Variants in UEVLD observed in about 807,000 individuals in gnomAD.
The protein encoded by UEVLD is ubiquitin-conjugating enzyme E2 variant 3.
A neutral mutation model predicts 58.6 loss-of-function variants in UEVLD; 47 were observed. The ratio of observed to expected loss-of-function variants is 0.80; its 90% CI spans 0.63 to 1.02. The LOEUF is 1.02. Among genes scored for constraint, UEVLD ranks in the 50% least tolerant of loss-of-function variants. UEVLD has a pLI of 0.00. For synonymous variants in UEVLD, 197 were observed against 195.3 expected, an observed-to-expected ratio of 1.01 and a Z score of -0.07; for missense variants, 510 against 550.6, an observed-to-expected ratio of 0.93 and a Z score of 0.74.
chr11:18,542,630 C>T (rs1270504704), intron 9 of UEVLD, among the ~76,000 whole-genome samples: 1 of 151,924 alleles, frequency 6.6e-6, no homozygotes, highest in Non-Finnish European at 1.5e-5. Flanking sequence ...ATAAATACTA[C>T]ATATTTTTAC....
chr11:18,536,341 A>AT, intron 10 of UEVLD, 65 bp downstream of exon 10: 1 of 1,456,966 alleles, frequency 6.9e-7, no homozygotes, highest in Non-Finnish European at 9.6e-7. Flanking sequence ...TACTGTATAA[A>AT]TAGCTGTTAG....
At chr11:18,542,203 C>G (rs1851084062) in intron 9 of UEVLD, among the ~76,000 whole-genome samples, 1 of 152,084 alleles carries the variant, frequency 6.6e-6, no homozygotes, top group Non-Finnish European at 1.5e-5. Flanking sequence ...ATTTTCACAT[C>G]ATTTACCGGG....
intron 1 of UEVLD, 142 bp downstream of exon 1, chr11:18,588,471 C>T (rs1020237231): frequency 3.7e-5 from 36 of 975,138 alleles, no homozygotes; most frequent in Non-Finnish European, 4.6e-5. Flanking sequence ...GGCCGCGCCC[C>T]ATAGCCGGTT....
intron 8 of UEVLD, among the ~76,000 whole-genome samples, chr11:18,545,062 ATCTATATC>A (rs1851240034): frequency 3.4e-5 from 1 of 29,644 alleles, no homozygotes; most frequent in African/African-American, 9.9e-5. Flanking sequence ...CTATATCTAT[ATCTATATC>A]TATATTTTTT....
intron 5 of UEVLD, 152 bp downstream of exon 5, chr11:18,566,195 G>T: frequency 8.9e-7 from 1 of 1,120,304 alleles, no homozygotes; most frequent in Non-Finnish European, 1.3e-6. Flanking sequence ...CACTGCGCCT[G>T]GCCTGAGGCA....
At position 18,566,385 on chromosome 11, in the gene UEVLD, T is replaced by C; in HGVS notation, c.455A>G (p.Gln152Arg). The C allele has an allele frequency of 6.2e-7, 1 of 1,614,160 alleles. No individual in the cohort carries two copies. Among genetic ancestry groups the C allele is most frequent in the Non-Finnish European group, 8.5e-7 (1 of 1,180,032 alleles). The change falls in exon 5 of 12, where the codon CAG becomes CGG. Residue 152 changes from glutamine (Q) to arginine (R), a missense_variant. By Grantham distance (43) the Gln-to-Arg change is conservative (BLOSUM62 1). Coordinates refer to ENST00000396197, the MANE Select transcript of UEVLD (RefSeq NM_001040697.4). ...YSLSSSDEAR[Q>R]VDLLAYIAKI... ...TGCAATATAGGCTAGCAAGTCTACC[T>C]GCCGTGCCTCATCAGATGATGATAG...
chr11:18,554,863 G>A (rs992181724), intron 7 of UEVLD, among the ~76,000 whole-genome samples: 1 of 152,180 alleles, frequency 6.6e-6, no homozygotes, highest in Admixed American at 6.5e-5. Flanking sequence ...TCAGTCAGCT[G>A]CAGTCATCTA....
rs985331603 is a variant in UEVLD at position 18,566,439 on chromosome 11, T to C, written c.401A>G (p.Lys134Arg). The C allele has an allele frequency of 1.9e-6, 3 of 1,614,102 alleles. No homozygotes were observed. The highest frequency in any genetic ancestry group is 1.1e-5 in the South Asian group (1 of 91,080). Residue 134 changes from lysine to arginine, a missense_variant, in exon 5 of 12, where the codon AAG becomes AGG. Transcript: ENST00000396197. Reference protein sequence around the residue: ...IVGLIKEMIAKFQEELPMYSL... With the variant: ...IVGLIKEMIARFQEELPMYSL... ...ATACATGGGAAGTTCCTCTTGAAAC[T>C]TGGCAATCATTTCTTTAATTAATCC...
chr11:18,570,075 T>C, intron 4 of UEVLD, 139 bp downstream of exon 4: 1 of 994,424 alleles, frequency 1.0e-6, no homozygotes, highest in Non-Finnish European at 1.4e-6. Flanking sequence ...AGAGCTCAAT[T>C]TCAAATTACT....
chr11:18,577,421 G>T (rs1393037519), intron 2 of UEVLD, among the ~76,000 whole-genome samples: 1 of 152,094 alleles, frequency 6.6e-6, no homozygotes, highest in East Asian at 1.9e-4. Flanking sequence ...ATCTCTGAAA[G>T]TTCAACTTTC....
intron 11 of UEVLD, 121 bp from the exon 12 acceptor site, chr11:18,532,608 T>C: frequency 2.5e-6 from 2 of 787,314 alleles, no homozygotes; most frequent in Non-Finnish European, 3.6e-6. Context: ...CTTAAAAAAA[T>C]TTTTTTGTTC....
chr11:18,536,065 C>T (rs187788224), intron 10 of UEVLD, among the ~76,000 whole-genome samples: 3 of 152,244 alleles, frequency 2.0e-5, no homozygotes, highest in Admixed American at 6.5e-5. Flanking sequence ...ACCCGGGAGG[C>T]GGAGGCTGCA....
At chr11:18,542,890 C>CTTTTTTTTTTTTTTTTTTTTTTT (rs890676886) in intron 9 of UEVLD, among the ~76,000 whole-genome samples, 1 of 125,902 alleles carries the variant, frequency 7.9e-6, no homozygotes, top group Admixed American at 8.9e-5. Flanking sequence ...CTTTTCTTTT[C>CTTTTTTTTTTTTTTTTTTTTTTT]TTTTTTTTTT....
rs1171743791 is a variant in UEVLD, at chr11:18,531,724, TA to T, written c.*595del. The stretch of plus-strand genomic sequence containing the variant: ...GAAATTAAAGTAAACTTTTAATGCA[TA>T]TATTTTAAAAATTCACTTTCCATTT... On this transcript the variant is annotated 3_prime_UTR_variant, in exon 12 of 12. Transcript: ENST00000396197. 2 of 152,342 alleles carry T rather than the reference TA, an allele frequency of 1.3e-5. No individual in the cohort carries two copies. The highest frequency in any genetic ancestry group is 4.1e-4 in the South Asian group (2 of 4,832). The allele number at this position is 152,342 out of a possible 1,614,324, so 9.4% of individuals were successfully genotyped here. A position where few individuals can be genotyped will look rare whatever the true frequency, so the allele number is the denominator to read the frequency against.
At position 18,588,726 on chromosome 11, in the gene UEVLD, G is replaced by A. The variant is rs963838910; in HGVS notation, c.-72C>T. 1.3e-6 allele frequency: 2 copies of A among 1,547,694 alleles called. No homozygotes were observed. Among genetic ancestry groups the A allele is most frequent in the Non-Finnish European group, 8.7e-7 (1 of 1,149,886 alleles). On this transcript the variant is annotated 5_prime_UTR_variant, in exon 1 of 12. Transcript: ENST00000396197. The stretch of plus-strand genomic sequence containing the variant: ...CTTCTTCCGGACTTGCTGCAGGACG[G>A]AAGCCGCTGAGGACCAAACTTCCCG...
chr11:18,559,675 C>CTT (rs566138965), intron 6 of UEVLD, among the ~76,000 whole-genome samples: 105 of 152,218 alleles, frequency 6.9e-4, no homozygotes, highest in African/African-American at 2.5e-3. Flanking sequence ...ATAATGCCAG[C>CTT]TTTTTCTTAA....
chr11:18,561,831 C>CA (rs567518058), intron 6 of UEVLD, among the ~76,000 whole-genome samples: 7,249 of 71,144 alleles, frequency 0.1, 476 homozygotes, highest in African/African-American at 0.25. Flanking sequence ...GACTTCGTCT[C>CA]AAAAAAAAAA....
chr11:18,532,565 T>C lies in UEVLD; in HGVS notation c.1249-78A>G. The C allele has an allele frequency of 9.0e-6, 11 of 1,225,266 alleles. No homozygotes were observed. In the South Asian group the frequency reaches 2.0e-4, roughly 23 times the overall value. 75.9% of individuals were successfully genotyped at this position (1,225,266 alleles called of 1,614,324 possible). A position where few individuals can be genotyped will look rare whatever the true frequency, so the allele number is the denominator to read the frequency against. ...AATACAAAAATGCATACTTTCTTGC[T>C]TTCTTAACTAGGACAAAGTGATACA... On this transcript the variant is annotated intron_variant, in intron 11 of 11. Coordinates refer to ENST00000396197, the MANE Select transcript of UEVLD (RefSeq NM_001040697.4).
chr11:18,581,162 C>CAAAA (rs34170647), intron 1 of UEVLD, among the ~76,000 whole-genome samples: 3 of 82,900 alleles, frequency 3.6e-5, no homozygotes, highest in African/African-American at 1.4e-4. Flanking sequence ...GACTCAGTCT[C>CAAAA]AAAAAAAAAA....
Sources: allele counts gnomAD v4.1 joint callset (sites outside exome capture counted in the v4.1 genomes callset), GRCh38; gene constraint gnomAD v4.1.1; transcripts MANE v1.5; gene names NCBI Gene and HGNC (gene_info 2026-07-23, HGNC 2026-07-21).